Variants in DOCK7 observed in about 807,000 individuals in gnomAD.
DOCK7 encodes dedicator of cytokinesis 7.
In DOCK7, 138 loss-of-function variants were observed where a neutral mutation model predicts 271.0. The ratio of observed to expected loss-of-function variants is 0.51; its 90% confidence interval spans 0.44 to 0.59. The LOEUF is 0.59. DOCK7 is among the 20% of genes least tolerant of loss of function. The pLI, the probability that DOCK7 is intolerant of heterozygous loss-of-function variation, is 0.00. For missense variants in DOCK7, 2,066 were observed against 2,592.4 expected (o/e 0.80, Z 4.41); for synonymous variants, 823 against 876.1 (o/e 0.94, Z 1.07).
chr1:62,631,220 T>A lies in DOCK7; in HGVS notation c.1282+20A>T. The A allele has an allele frequency of 6.4e-7, 1 of 1,557,664 alleles. No individual in the cohort carries two copies. The highest frequency in any genetic ancestry group is 8.6e-7 in the Non-Finnish European group (1 of 1,157,078). ...GAAAAAAGTAAACATTTAGAAATGT[T>A]TTGTATGAAACACTCTTACCTCCAG... On this transcript the variant is annotated intron_variant, in intron 11 of 49. Transcript: ENST00000635253.
In DOCK7 at chr1:62,598,293, A is replaced by G. The variant is rs141806950; in HGVS notation, c.1683-11669T>C. Among the ~76,000 whole-genome samples, 98 of 152,208 alleles carry G rather than the reference A, an allele frequency of 6.4e-4. 2 individuals are homozygous for G. The highest frequency in any genetic ancestry group is 1.9e-4 in the Non-Finnish European group (13 of 67,940). ...AAAATTTGCATTTTATATGAAAATT[A>G]CAAATCGGTTAAATTATACAATCTA... On this transcript the variant is annotated intron_variant, in intron 14 of 49. Transcript: ENST00000635253.
At chr1:62,548,588 T>C (rs548103329) in intron 22 of DOCK7, among the ~76,000 whole-genome samples, 1 of 152,140 alleles carries the variant, frequency 6.6e-6, no homozygotes, top group Non-Finnish European at 1.5e-5. Context: ...ACCCAGCTAA[T>C]TTTTCTATTT....
Position 62,555,885 on chromosome 1 carries a change from C to T in DOCK7, c.2536G>A (p.Ala846Thr). 6.2e-7 allele frequency: 1 copy of T among 1,613,826 alleles called. No individual in the cohort carries two copies. Among genetic ancestry groups the T allele is most frequent in the Non-Finnish European group, 8.5e-7 (1 of 1,179,904 alleles). ...CGGAAAACATAATGAATATATGATG[C>T]AAGAAGGCTGTTTCTGCCATGCTGG... ...HDQHGRNSLLASYIHYVFRLP... is the reference protein window; with the variant it reads ...HDQHGRNSLLTSYIHYVFRLP... Residue 846 changes from alanine to threonine, a missense_variant, in exon 21 of 50, where the codon GCA (alanine) becomes ACA (threonine). This residue lies in a region of DOCK7 where 1,414 missense variants were observed against 1,670.4 expected (regional missense o/e 0.85). Coordinates refer to ENST00000635253, the MANE Select transcript of DOCK7 (RefSeq NM_001367561.1).
intron 20 of DOCK7, among the ~76,000 whole-genome samples, chr1:62,557,298 T>A (rs1006654176): frequency 6.6e-6 from 1 of 151,090 alleles, no homozygotes; most frequent in African/African-American, 2.5e-5. Context: ...GAGTGATCTA[T>A]CTATCACCTT....
intron 47 of DOCK7, among the ~76,000 whole-genome samples, chr1:62,474,586 G>A (rs912793451): frequency 1.0e-5 from 1 of 96,082 alleles, no homozygotes; most frequent in Non-Finnish European, 2.7e-5. Flanking sequence ...TTTTGTAAAG[G>A]TCTTAAGGTA....
chr1:62,684,797 G>A (rs904607228), intron 1 of DOCK7, among the ~76,000 whole-genome samples: 9 of 152,240 alleles, frequency 5.9e-5, no homozygotes, highest in African/African-American at 2.2e-4. Flanking sequence ...CTTTTCTATG[G>A]TGAGCTGAAG....
At chr1:62,582,276 C>A (rs551016054) in intron 16 of DOCK7, among the ~76,000 whole-genome samples, 197 of 152,144 alleles carry the variant, frequency 1.3e-3, no homozygotes, top group African/African-American at 4.7e-3. Flanking sequence ...AGAGGCCGGG[C>A]GCGGTGGCTC....
In DOCK7 at chr1:62,564,838, T is replaced by C. The variant is rs577611198; in HGVS notation, c.2113-3135A>G. Among the ~76,000 whole-genome samples, 5 of 152,000 alleles carry C rather than the reference T, an allele frequency of 3.3e-5. No individual in the cohort carries two copies. The South Asian group carries it at 8.3e-4, about 25-fold the overall frequency. On this transcript the variant is annotated intron_variant, in intron 18 of 49. Transcript: ENST00000635253. Reference sequence around the variant, plus strand: ...AAGAACAAAAGAGAGATGAATCAAATAGATGCAATAAAAAACGATAAAGGG... The same window carrying C: ...AAGAACAAAAGAGAGATGAATCAAACAGATGCAATAAAAAACGATAAAGGG...
At chr1:62,658,148 AAAAG>A (rs1168819388) in intron 2 of DOCK7, among the ~76,000 whole-genome samples, 9 of 151,834 alleles carry the variant, frequency 5.9e-5, no homozygotes, top group Admixed American at 2.0e-4. Flanking sequence ...AGAAAAAAAA[AAAAG>A]AAAGAAAAGA....
intron 14 of DOCK7, among the ~76,000 whole-genome samples, chr1:62,593,976 T>G (rs1197839499): frequency 6.6e-6 from 1 of 152,168 alleles, no homozygotes; most frequent in East Asian, 1.9e-4. Flanking sequence ...TAAAGGACTT[T>G]GCTTTGCTTG....
At chr1:62,662,693 G>A (rs569737949) in intron 2 of DOCK7, among the ~76,000 whole-genome samples, 4 of 152,062 alleles carry the variant, frequency 2.6e-5, no homozygotes, top group Non-Finnish European at 4.4e-5. Context: ...CCCAGGAGGC[G>A]GAAGTTGCAG....
At chr1:62,663,176 A>C (rs1329343821) in intron 1 of DOCK7, 46 bp from the exon 2 acceptor site, 12 of 1,438,024 alleles carry the variant, frequency 8.3e-6, no homozygotes, top group South Asian at 2.5e-5. Context: ...AAAAAAAAAA[A>C]AACTAAACTA....
At chr1:62,599,313 T>C (rs968978001) in intron 14 of DOCK7, among the ~76,000 whole-genome samples, 8 of 151,998 alleles carry the variant, frequency 5.3e-5, no homozygotes, top group African/African-American at 1.7e-4. Context: ...CTCAAAGCCT[T>C]TGCCCTTGTT....
At chr1:62,678,379 G>C (rs1160281708) in intron 1 of DOCK7, among the ~76,000 whole-genome samples, 1 of 152,054 alleles carries the variant, frequency 6.6e-6, no homozygotes, top group African/African-American at 2.4e-5. Context: ...GAATAAACAA[G>C]AGTTTAGCAA....
intron 38 of DOCK7, chr1:62,496,040 A>G (rs1646612345): frequency 2.7e-6 from 1 of 377,098 alleles, no homozygotes; most frequent in Non-Finnish European, 4.6e-6. Flanking sequence ...TTTAAGGCAT[A>G]TTATTGTTTG....
chr1:62,516,298 G>A (rs1052436424), intron 31 of DOCK7, among the ~76,000 whole-genome samples: 1 of 152,086 alleles, frequency 6.6e-6, no homozygotes, highest in Non-Finnish European at 1.5e-5. Flanking sequence ...GTAGAAATGT[G>A]CACATATAAA....
At chr1:62,529,553 ATTTCT>A in intron 29 of DOCK7, 107 bp from the exon 30 acceptor site, 1 of 780,030 alleles carries the variant, frequency 1.3e-6, no homozygotes, top group Non-Finnish European at 1.8e-6. Flanking sequence ...ATTTTGTTCA[ATTTCT>A]TACCTTTGTC....
intron 15 of DOCK7, chr1:62,584,732 C>T: frequency 1.1e-6 from 1 of 930,474 alleles, no homozygotes; most frequent in Non-Finnish European, 1.7e-6. Context: ...CGTCCCTGCC[C>T]TCAAGGAGCT....
chr1:62,559,143 C>T lies in DOCK7; in HGVS notation c.2277G>A (p.Met759Ile), dbSNP rs1646238917. 3 of 1,613,810 alleles carry T rather than the reference C, an allele frequency of 1.9e-6. No homozygotes were observed. The East Asian group carries it at 6.7e-5, about 36-fold the overall frequency. ...EHLFPVRIGD[M>I]RIMENNLENE... ...TTTCTAAGTTATTTTCCATGATTCG[C>T]ATGTCCCCAATTCGGACTGGGAACA... The change falls in exon 20 of 50, where the codon ATG becomes ATA. Residue 759 changes from methionine (M) to isoleucine (I), a missense_variant. This residue lies in a region of DOCK7 where 1,414 missense variants were observed against 1,670.4 expected (regional missense o/e 0.85). Coordinates refer to ENST00000635253, the MANE Select transcript of DOCK7 (RefSeq NM_001367561.1).
Sources: gnomAD v4.1 joint callset for allele counts (sites outside exome capture counted in the v4.1 genomes callset) on GRCh38, gnomAD v4.1.1 for gene constraint, gnomAD v4.1.1 regional missense constraint, MANE v1.5 for transcripts, NCBI Gene and HGNC (gene_info 2026-07-23, HGNC 2026-07-21) for gene names.